Variants in PRKCA observed in about 807,000 individuals in gnomAD.
PRKCA encodes protein kinase C alpha.
Under a neutral mutation model 87.0 loss-of-function variants are expected in PRKCA, and 27 were observed. That is an observed-to-expected ratio of 0.31 (90% CI 0.23 to 0.43). PRKCA has a LOEUF of 0.43. Ranked by LOEUF, PRKCA falls within the 20% of genes least tolerant of loss-of-function variation. The pLI is 1.00. For synonymous variants in PRKCA, 329 were observed against 311.1 expected (o/e 1.06, Z -0.61); for missense variants, 518 against 852.3 (o/e 0.61, Z 4.88).
intron 3 of PRKCA, among the ~76,000 whole-genome samples, chr17:66,610,166 G>A (rs1381413928): frequency 3.3e-5 from 5 of 152,118 alleles, no homozygotes; most frequent in Non-Finnish European, 7.4e-5. Flanking sequence ...AGGACAGCTC[G>A]CAGAACTCAG....
At chr17:66,696,967 G>A (rs17762834) in intron 8 of PRKCA, among the ~76,000 whole-genome samples, 7,713 of 152,070 alleles carry the variant, frequency 0.051, 270 homozygotes, top group Non-Finnish European at 0.071. Context: ...GCCTGACTCC[G>A]CCGTAAGCAT....
intron 2 of PRKCA, among the ~76,000 whole-genome samples, chr17:66,397,121 A>G (rs1910734701): frequency 1.3e-5 from 2 of 151,468 alleles, no homozygotes; most frequent in Admixed American, 6.6e-5. Context: ...GCCTGCCACC[A>G]TGCCCAGCTA....
chr17:66,505,553 A>G (rs1355289463), intron 3 of PRKCA, among the ~76,000 whole-genome samples: 1 of 152,054 alleles, frequency 6.6e-6, no homozygotes, highest in African/African-American at 2.4e-5. Context: ...GCAGTAGTAC[A>G]TCCTTTTCAA....
At chr17:66,435,642 G>A (rs1913344819) in intron 2 of PRKCA, among the ~76,000 whole-genome samples, 1 of 152,164 alleles carries the variant, frequency 6.6e-6, no homozygotes, top group African/African-American at 2.4e-5. Context: ...ATAAAATTGG[G>A]AAGATATAAA....
intron 2 of PRKCA, among the ~76,000 whole-genome samples, chr17:66,429,829 G>A (rs1049479485): frequency 6.6e-6 from 1 of 152,140 alleles, no homozygotes; most frequent in Non-Finnish European, 1.5e-5. Context: ...GTTACTATAG[G>A]AATGCTGGGA....
At chr17:66,511,646 C>T (rs186848646) in intron 3 of PRKCA, among the ~76,000 whole-genome samples, 1 of 151,648 alleles carries the variant, frequency 6.6e-6, no homozygotes, top group East Asian at 1.9e-4. Context: ...AGTTTGGACA[C>T]GTGTGCTCAA....
chr17:66,330,254 C>T lies in PRKCA; in HGVS notation c.205+24127C>T, dbSNP rs567109382. On this transcript the variant is annotated intron_variant, in intron 2 of 16. Coordinates refer to ENST00000413366, the MANE Select transcript of PRKCA (RefSeq NM_002737.3). Reference sequence around the variant, plus strand: ...CCAACTAGCTGGGATTACAGGTGCCCGCCACCACACCCAGTTAATTTTTTG... The same window carrying T: ...CCAACTAGCTGGGATTACAGGTGCCTGCCACCACACCCAGTTAATTTTTTG... 5.9e-3 allele frequency among the ~76,000 whole-genome samples: 904 copies of T among 151,968 alleles called. 3 individuals carry two copies. Among genetic ancestry groups the T allele is most frequent in the Middle Eastern group, 0.01 (3 of 294 alleles).
chr17:66,576,117 C>T (rs1195226764), intron 3 of PRKCA, among the ~76,000 whole-genome samples: 1 of 152,064 alleles, frequency 6.6e-6, no homozygotes, highest in East Asian at 1.9e-4. Flanking sequence ...CCATCTCAAA[C>T]AAAAACTTAG....
At chr17:66,502,337 C>T (rs1003979137) in intron 3 of PRKCA, among the ~76,000 whole-genome samples, 2 of 151,508 alleles carry the variant, frequency 1.3e-5, no homozygotes, top group South Asian at 2.1e-4. Flanking sequence ...CGGATTCAAG[C>T]GATTCTCTTG....
intron 2 of PRKCA, among the ~76,000 whole-genome samples, chr17:66,351,323 C>T (rs963718470): frequency 1.3e-5 from 2 of 152,382 alleles, no homozygotes; most frequent in South Asian, 4.1e-4. Context: ...TACCTAAACT[C>T]CAGCCCAGTT....
At chr17:66,353,200 C>T (rs977936885) in intron 2 of PRKCA, among the ~76,000 whole-genome samples, 13 of 152,138 alleles carry the variant, frequency 8.5e-5, no homozygotes, top group Non-Finnish European at 1.5e-5. Context: ...AAATCCTTTC[C>T]ATTAAGTGCA....
intron 2 of PRKCA, among the ~76,000 whole-genome samples, chr17:66,460,682 C>G (rs1033797764): frequency 1.3e-5 from 2 of 152,166 alleles, no homozygotes; most frequent in Non-Finnish European, 2.9e-5. Context: ...TGCCAACCTG[C>G]CAGCTGATGG....
chr17:66,360,249 C>T (rs911002583), intron 2 of PRKCA, among the ~76,000 whole-genome samples: 2 of 152,062 alleles, frequency 1.3e-5, no homozygotes, highest in Non-Finnish European at 2.9e-5. Context: ...ACCATGGGAC[C>T]CTTTCACATT....
At chr17:66,660,753 C>T (rs1013733125) in intron 5 of PRKCA, among the ~76,000 whole-genome samples, 9 of 151,608 alleles carry the variant, frequency 5.9e-5, no homozygotes, top group Non-Finnish European at 1.3e-4. Context: ...AATAACAATA[C>T]AAAAAATTAG....
At chr17:66,681,763 C>A (rs1280909823) in intron 5 of PRKCA, among the ~76,000 whole-genome samples, 1 of 152,214 alleles carries the variant, frequency 6.6e-6, no homozygotes, top group African/African-American at 2.4e-5. Flanking sequence ...GAGAAGTCAC[C>A]CACCACCTGC....
Position 66,803,202 on chromosome 17 carries a change from T to C in PRKCA, c.1855-671T>C, listed in dbSNP as rs1975940930. ...GGCGCCATGCAAACATCCTCCAGCC[T>C]GAGACCACCCTGCAAATAAGCTCCA... On this transcript the variant is annotated intron_variant, in intron 16 of 16. Coordinates refer to ENST00000413366, the MANE Select transcript of PRKCA (RefSeq NM_002737.3). This position sits in a 1 kb window ranked among gnomAD's most constrained non-coding sequence, Gnocchi z 4.4. Among the ~76,000 whole-genome samples, 1 of 152,120 alleles carries C rather than the reference T, an allele frequency of 6.6e-6. No homozygotes were observed.
At chr17:66,788,415 G>A (rs9897186) in intron 15 of PRKCA, among the ~76,000 whole-genome samples, 26,265 of 151,976 alleles carry the variant, frequency 0.17, 3,774 homozygotes, top group African/African-American at 0.39. Context: ...CAGACAATAC[G>A]TAGACATATG....
chr17:66,608,436 T>C (rs1970269237), intron 3 of PRKCA, among the ~76,000 whole-genome samples: 1 of 152,242 alleles, frequency 6.6e-6, no homozygotes, highest in African/African-American at 2.4e-5. Context: ...TAAATTTTAA[T>C]GAGTAATATT....
At chr17:66,772,733 G>A (rs946314230) in intron 13 of PRKCA, among the ~76,000 whole-genome samples, 3 of 152,066 alleles carry the variant, frequency 2.0e-5, no homozygotes, top group African/African-American at 7.2e-5. Context: ...CACGAAGGGA[G>A]GTTATAGAAT....
Sources: gnomAD v4.1 joint callset for allele counts (sites outside exome capture counted in the v4.1 genomes callset) on GRCh38, gnomAD v4.1.1 for gene constraint, Gnocchi (gnomAD v3.1) non-coding constraint, MANE v1.5 for transcripts, NCBI Gene and HGNC (gene_info 2026-07-23, HGNC 2026-07-21) for gene names.